Variants in FAM107B observed in about 807,000 individuals in gnomAD.
The protein encoded by FAM107B is protein FAM107B.
A neutral mutation model predicts 31.5 loss-of-function variants in FAM107B; 21 were observed. The ratio of observed to expected loss-of-function variants is 0.67; its 90% CI spans 0.47 to 0.96. The LOEUF is 0.96. Among genes scored for constraint, FAM107B ranks in the 40% least tolerant of loss-of-function variants. The pLI is 0.00. For missense variants in FAM107B, 452 were observed against 377.1 expected, an observed-to-expected ratio of 1.20 and a Z score of -1.64; for synonymous variants, 157 against 141.5, an observed-to-expected ratio of 1.11 and a Z score of -0.78.
intron 2 of FAM107B, among the ~76,000 whole-genome samples, chr10:14,583,095 A>G (rs915754961): frequency 2.6e-5 from 4 of 151,896 alleles, no homozygotes; most frequent in African/African-American, 7.2e-5. Flanking sequence ...TCAAAAAAAA[A>G]AAAAAAAAAG....
At position 14,774,460 on chromosome 10, in the gene FAM107B, G is replaced by T. The variant is rs751962040; in HGVS notation, c.204C>A (p.Ser68Arg). 4 of 1,614,132 alleles carry T rather than the reference G, an allele frequency of 2.5e-6. No homozygotes were observed. Among genetic ancestry groups the T allele is most frequent in the Admixed American group, 1.7e-5 (1 of 60,018 alleles). Residue 68 changes from serine (S) to arginine (R), a missense_variant, in exon 1 of 5, where the codon AGC becomes AGA. By Grantham distance (110) the Ser-to-Arg change is moderately radical. Transcript: ENST00000181796. ...GCCTTTTCTCTGGAGCTCCTTCTGC[G>T]CTTGGGTGTCTTGGCTGTCTGCCTG... ...AKAGRQPRHPSAEGAPEKRQD... is the reference protein window; with the variant it reads ...AKAGRQPRHPRAEGAPEKRQD...
At chr10:14,596,615 G>A (rs1564593157) in intron 2 of FAM107B, among the ~76,000 whole-genome samples, 1 of 151,986 alleles carries the variant, frequency 6.6e-6, no homozygotes, top group African/African-American at 2.4e-5. Flanking sequence ...ACCCCAAGAG[G>A]GCAACTGACT....
chr10:14,672,307 C>T (rs956244811), intron 1 of FAM107B, among the ~76,000 whole-genome samples: 2 of 152,088 alleles, frequency 1.3e-5, no homozygotes, highest in Admixed American at 6.6e-5. Context: ...AAGCTGGTCT[C>T]AAACTCCTAA....
rs1168672707 is a variant in FAM107B at position 14,774,309 on chromosome 10, C to G, written c.355G>C (p.Glu119Gln). ...ATGGAAGCGTGAAACACCACTGCTT[C>G]ACAGTCCGCCCCATCATCCAGGGAC... Reference protein sequence around the residue: ...PGSLDDGADCEAVVFHASIPR... With the variant: ...PGSLDDGADCQAVVFHASIPR... The change falls in exon 1 of 5, where the codon GAA (glutamate) becomes CAA (glutamine). Residue 119 changes from glutamate (E) to glutamine (Q), a missense_variant. Coordinates refer to ENST00000181796, the MANE Select transcript of FAM107B (RefSeq NM_031453.4). 2 of 1,614,198 alleles carry G rather than the reference C, an allele frequency of 1.2e-6. No individual in the cohort carries two copies. The highest frequency in any genetic ancestry group is 1.6e-4 in the Middle Eastern group (1 of 6,062).
At chr10:14,584,295 T>C (rs1851752443) in intron 2 of FAM107B, among the ~76,000 whole-genome samples, 1 of 152,094 alleles carries the variant, frequency 6.6e-6, no homozygotes, top group African/African-American at 2.4e-5. Flanking sequence ...GTCCCTGTCC[T>C]CAGAGTTGCC....
intron 2 of FAM107B, among the ~76,000 whole-genome samples, chr10:14,568,576 G>A (rs1228110895): frequency 6.6e-6 from 1 of 151,526 alleles, no homozygotes; most frequent in Admixed American, 6.6e-5. Context: ...GAGGCTGGCT[G>A]ATGATCTCAG....
intron 2 of FAM107B, among the ~76,000 whole-genome samples, chr10:14,585,461 T>C (rs1851792176): frequency 6.6e-6 from 1 of 152,158 alleles, no homozygotes; most frequent in African/African-American, 2.4e-5. Flanking sequence ...ACCAAGCCTT[T>C]AGGTGAAGCC....
At chr10:14,543,171 G>A (rs1466462685) in intron 2 of FAM107B, among the ~76,000 whole-genome samples, 5 of 152,138 alleles carry the variant, frequency 3.3e-5, no homozygotes, top group African/African-American at 9.7e-5. Context: ...AGCAAAGCAC[G>A]TTCTGTGGTC....
chr10:14,521,831 A>G, intron 4 of FAM107B, 38 bp downstream of exon 4: 3 of 1,602,472 alleles, frequency 1.9e-6, no homozygotes, highest in Non-Finnish European at 2.6e-6. Context: ...CTTCAAGACA[A>G]AAACAAAAAA....
At chr10:14,531,185 TGCCTGCTTC>T (rs1846950821) in intron 2 of FAM107B, among the ~76,000 whole-genome samples, 1 of 152,182 alleles carries the variant, frequency 6.6e-6, no homozygotes, top group Middle Eastern at 3.2e-3. Flanking sequence ...GCTGCTTCAC[TGCCTGCTTC>T]GCCCACCGCT....
At chr10:14,704,703 A>C (rs1415702772) in intron 1 of FAM107B, among the ~76,000 whole-genome samples, 1 of 152,198 alleles carries the variant, frequency 6.6e-6, no homozygotes, top group South Asian at 2.1e-4. Context: ...ACAACTCGAT[A>C]AGAACAAAAC....
chr10:14,529,655 T>A (rs1846720758), intron 3 of FAM107B: 1 of 151,844 alleles, frequency 6.6e-6, no homozygotes, highest in African/African-American at 2.4e-5. Context: ...TTGAAAAAAA[T>A]AGCCTTTCAT....
chr10:14,709,992 T>A (rs972305166), intron 1 of FAM107B, among the ~76,000 whole-genome samples: 1 of 152,152 alleles, frequency 6.6e-6, no homozygotes, highest in African/African-American at 2.4e-5. Flanking sequence ...TATGATACTA[T>A]AATGGTAGAT....
At chr10:14,718,048 C>A (rs1321693468) in intron 1 of FAM107B, among the ~76,000 whole-genome samples, 1 of 152,090 alleles carries the variant, frequency 6.6e-6, no homozygotes, top group Non-Finnish European at 1.5e-5. Flanking sequence ...TGAATCTCAC[C>A]AGGCATGGTG....
intron 4 of FAM107B, 84 bp from the exon 5 acceptor site, chr10:14,521,390 C>A: frequency 9.2e-7 from 1 of 1,088,730 alleles, no homozygotes; most frequent in East Asian, 2.4e-5. Context: ...AAGTCCCTGA[C>A]AACTTTACTT....
intron 2 of FAM107B, among the ~76,000 whole-genome samples, chr10:14,640,902 G>GA (rs537429713): frequency 2.8e-4 from 42 of 152,068 alleles, no homozygotes; most frequent in African/African-American, 6.5e-4. Flanking sequence ...TTTTTTTAAA[G>GA]AAAAAAACTT....
At chr10:14,731,002 G>A (rs1856159949) in intron 1 of FAM107B, among the ~76,000 whole-genome samples, 1 of 152,088 alleles carries the variant, frequency 6.6e-6, no homozygotes, top group Non-Finnish European at 1.5e-5. Context: ...CTGGTAGAGG[G>A]GTGCTGTCAC....
intron 1 of FAM107B, among the ~76,000 whole-genome samples, chr10:14,717,829 C>G (rs1332862348): frequency 6.6e-6 from 1 of 152,184 alleles, no homozygotes; most frequent in Non-Finnish European, 1.5e-5. Context: ...CTAATATTAA[C>G]CACCACACCC....
intron 1 of FAM107B, among the ~76,000 whole-genome samples, chr10:14,763,724 T>G (rs1353762961): frequency 6.6e-6 from 1 of 152,218 alleles, no homozygotes; most frequent in South Asian, 2.1e-4. Flanking sequence ...TCTAAGCCAC[T>G]GGTGACCTTG....
Sources: gnomAD v4.1 joint callset for allele counts (sites outside exome capture counted in the v4.1 genomes callset) on GRCh38, gnomAD v4.1.1 for gene constraint, MANE v1.5 for transcripts, NCBI Gene and HGNC (gene_info 2026-07-23, HGNC 2026-07-21) for gene names.